Variants in COLGALT2 observed in about 807,000 individuals in gnomAD.
COLGALT2 encodes the protein collagen beta(1-O)galactosyltransferase 2.
COLGALT2 carries 49 observed loss-of-function variants against 73.4 expected under a neutral mutation model. The ratio of observed to expected loss-of-function variants is 0.67; its 90% CI spans 0.53 to 0.85. COLGALT2 has a LOEUF of 0.85. COLGALT2 is among the 40% of genes least tolerant of loss of function. The pLI is 0.00. For missense variants in COLGALT2, 722 were observed against 790.2 expected (o/e 0.91, Z 1.03); for synonymous variants, 295 against 307.6 (o/e 0.96, Z 0.43).
intron 1 of COLGALT2, among the ~76,000 whole-genome samples, chr1:184,005,783 G>A (rs1672057343): frequency 6.6e-6 from 1 of 152,272 alleles, no homozygotes; most frequent in East Asian, 1.9e-4. Flanking sequence ...CCTCCACTGG[G>A]CCTGTCTCAT....
At chr1:184,025,743 C>G (rs1050346568) in intron 1 of COLGALT2, among the ~76,000 whole-genome samples, 2 of 152,186 alleles carry the variant, frequency 1.3e-5, no homozygotes, top group Admixed American at 1.3e-4. Flanking sequence ...AAACACCTTT[C>G]GCACAGTATA....
At position 183,975,098 on chromosome 1, in the gene COLGALT2, A is replaced by G; in HGVS notation, c.491T>C (p.Leu164Pro). 1 of 1,604,872 alleles carries G rather than the reference A, an allele frequency of 6.2e-7. No homozygotes were observed. Among genetic ancestry groups the G allele is most frequent in the Non-Finnish European group, 8.5e-7 (1 of 1,171,672 alleles). ...TAREKWSDYI[L>P]FIDVDNFLTN... Reference sequence around the variant, plus strand: ...AAGAAATCAAACATCTGTTTTTACCAGAATGTAGTCTGACCATTTTTCCCT... The same window carrying G: ...AAGAAATCAAACATCTGTTTTTACCGGAATGTAGTCTGACCATTTTTCCCT... Residue 164 changes from leucine to proline, a missense_variant and splice_region_variant, in exon 3 of 12, where the codon CTG becomes CCG. Coordinates refer to ENST00000361927, the MANE Select transcript of COLGALT2 (RefSeq NM_015101.4).
intron 1 of COLGALT2, among the ~76,000 whole-genome samples, chr1:183,991,751 T>C (rs987703247): frequency 6.6e-6 from 1 of 152,234 alleles, no homozygotes; most frequent in East Asian, 1.9e-4. Flanking sequence ...GTTCATAAAC[T>C]ATACTCACAC....
chr1:183,998,865 CAGTT>C (rs1671841615), intron 1 of COLGALT2, among the ~76,000 whole-genome samples: 1 of 151,888 alleles, frequency 6.6e-6, no homozygotes, highest in African/African-American at 2.4e-5. Flanking sequence ...GTTAGATACT[CAGTT>C]GGTATCTAAC....
Position 183,969,439 on chromosome 1 carries a change from A to C in COLGALT2, c.662T>G (p.Ile221Ser). 6.2e-7 allele frequency: 1 copy of C among 1,613,310 alleles called. No individual in the cohort carries two copies. Among genetic ancestry groups the C allele is most frequent in the Non-Finnish European group, 8.5e-7 (1 of 1,179,598 alleles). ...FYKRTPDYVQIREWKRTGCFP... is the reference protein window; with the variant it reads ...FYKRTPDYVQSREWKRTGCFP... ...GCAGCCTGTCCTCTTCCATTCTCGA[A>C]TCTGAACGTAGTCTGGGGTCCTCTT... Residue 221 changes from isoleucine to serine, a missense_variant, in exon 5 of 12, where the codon ATT becomes AGT. By Grantham distance (142) the Ile-to-Ser change is moderately radical. Coordinates refer to ENST00000361927, the MANE Select transcript of COLGALT2 (RefSeq NM_015101.4).
Position 183,936,985 on chromosome 1 carries a change from T to C in COLGALT2, c.*1776A>G. The C allele has an allele frequency of 8.1e-7, 1 of 1,231,734 alleles. No individual in the cohort carries two copies. Among genetic ancestry groups the C allele is most frequent in the Non-Finnish European group, 1.0e-6 (1 of 987,956 alleles). The allele number at this position is 1,231,734 out of a possible 1,614,324, so 76.3% of individuals were successfully genotyped here. A position where few individuals can be genotyped will look rare whatever the true frequency, so the allele number is the denominator to read the frequency against. ...GCTGCCTTGACTACCTATTTGGTGATGAGACAGCTTGGTGATCACTTTCTC... is the reference window on the plus strand; with the variant it reads ...GCTGCCTTGACTACCTATTTGGTGACGAGACAGCTTGGTGATCACTTTCTC... On this transcript the variant is annotated 3_prime_UTR_variant, in exon 12 of 12. Coordinates refer to ENST00000361927, the MANE Select transcript of COLGALT2 (RefSeq NM_015101.4).
chr1:184,015,015 G>T (rs1309549020), intron 1 of COLGALT2, among the ~76,000 whole-genome samples: 1 of 152,066 alleles, frequency 6.6e-6, no homozygotes, highest in Non-Finnish European at 1.5e-5. Context: ...AATTAACACA[G>T]ACATGGGGCT....
At chr1:183,930,338 A>G in intron 11 of COLGALT2, 1 of 455,036 alleles carries the variant, frequency 2.2e-6, no homozygotes. Context: ...CTGAAAGGAG[A>G]AAATACTAGA....
chr1:183,939,037 T>A lies in COLGALT2; in HGVS notation c.1605A>T (p.Val535=). 1.2e-6 allele frequency: 2 copies of A among 1,606,810 alleles called. No homozygotes were observed. The highest frequency in any genetic ancestry group is 1.7e-6 in the Non-Finnish European group (2 of 1,173,990). The change falls in exon 12 of 12, where the codon GTA becomes GTT. Residue 535 remains valine, a splice_region_variant and synonymous_variant. Coordinates refer to ENST00000361927, the MANE Select transcript of COLGALT2 (RefSeq NM_015101.4). ...ATTCATAATACTCCTTGTACTCGGC[T>A]CTGAAAACAAGAAGGTGGCCGGACA... ...FLPVMYNKHP[V]AEYKEYYESR...
chr1:183,949,375 T>A (rs1401059466), intron 8 of COLGALT2, among the ~76,000 whole-genome samples: 1 of 152,192 alleles, frequency 6.6e-6, no homozygotes, highest in Non-Finnish European at 1.5e-5. Context: ...GGCATAAGGA[T>A]AGACATATAG....
intron 1 of COLGALT2, among the ~76,000 whole-genome samples, chr1:184,029,264 C>T (rs1038715696): frequency 3.3e-5 from 5 of 152,208 alleles, no homozygotes; most frequent in African/African-American, 1.2e-4. Flanking sequence ...TAATGCACAG[C>T]TTTCCTACCA....
chr1:183,990,430 C>G (rs1255845754), intron 1 of COLGALT2, among the ~76,000 whole-genome samples: 4 of 152,220 alleles, frequency 2.6e-5, no homozygotes, highest in Admixed American at 6.5e-5. Flanking sequence ...TGGAAAGCAA[C>G]ACCTTGTCAT....
chr1:184,037,651 G>A lies in COLGALT2; in HGVS notation c.-294C>T. The A allele has an allele frequency of 5.8e-6, 6 of 1,037,756 alleles. No homozygotes were observed. Among genetic ancestry groups the A allele is most frequent in the Non-Finnish European group, 6.9e-6 (6 of 864,614 alleles). The allele number at this position is 1,037,756 out of a possible 1,614,324, so 64.3% of individuals were successfully genotyped here. ...GTGGCCGAGGGGCTGTGTGCCCTGAGTCCTGAGGAAAGTTCCTCTAGTCCA... is the reference window on the plus strand; with the variant it reads ...GTGGCCGAGGGGCTGTGTGCCCTGAATCCTGAGGAAAGTTCCTCTAGTCCA... On this transcript the variant is annotated 5_prime_UTR_variant, in exon 1 of 12. Transcript: ENST00000361927.
In COLGALT2 at chr1:183,956,887, A is replaced by AC. The variant is rs1670568195; in HGVS notation, c.953-2050_953-2049insG. 2.0e-5 allele frequency among the ~76,000 whole-genome samples: 3 copies of AC among 152,316 alleles called. No homozygotes were observed. In the South Asian group the frequency reaches 6.2e-4, roughly 32 times the overall value. On this transcript the variant is annotated intron_variant, in intron 6 of 11. Transcript: ENST00000361927. ...ACAGTGAGTCAGACCTAAGAAACTTAGTCTGTGGGGAGAAGGATGTATCTT... is the reference window on the plus strand; with the variant it reads ...ACAGTGAGTCAGACCTAAGAAACTTACGTCTGTGGGGAGAAGGATGTATCTT...
At chr1:184,026,606 C>T (rs1265335928) in intron 1 of COLGALT2, among the ~76,000 whole-genome samples, 2 of 152,104 alleles carry the variant, frequency 1.3e-5, no homozygotes, top group Non-Finnish European at 1.5e-5. Context: ...GAGTTCATAG[C>T]TAGTGAAGAC....
intron 1 of COLGALT2, among the ~76,000 whole-genome samples, chr1:184,029,766 G>A (rs1649451403): frequency 6.6e-6 from 1 of 152,208 alleles, no homozygotes; most frequent in Non-Finnish European, 1.5e-5. Context: ...GAGCAGGACG[G>A]GTGTTATCAG....
chr1:183,940,673 C>G lies in COLGALT2; in HGVS notation c.1512G>C (p.Leu504=), dbSNP rs146397617. The G allele has an allele frequency of 6.2e-6, 10 of 1,614,220 alleles. No homozygotes were observed. The highest frequency in any genetic ancestry group is 8.5e-6 in the Non-Finnish European group (10 of 1,180,050). ...SYWTLGYVIS[L]EGAQKLVGAN... ...CTCCAACCAGCTTCTGTGCTCCTTCCAGAGAGATGACGTAGCCCAGGGTCC... is the reference window on the plus strand; with the variant it reads ...CTCCAACCAGCTTCTGTGCTCCTTCGAGAGAGATGACGTAGCCCAGGGTCC... Residue 504 remains leucine (L), a synonymous_variant, in exon 11 of 12, where the codon CTG becomes CTC. Transcript: ENST00000361927.
At chr1:183,931,171 G>A (rs1474531088), downstream of COLGALT2, among the ~76,000 whole-genome samples, 2 of 148,742 alleles carry the variant, frequency 1.3e-5, no homozygotes, top group Non-Finnish European at 3.0e-5. Context: ...ACCCCACTCT[G>A]AGCATATCAC....
chr1:183,987,531 G>C (rs192376221), intron 1 of COLGALT2, among the ~76,000 whole-genome samples: 1 of 152,318 alleles, frequency 6.6e-6, no homozygotes, highest in African/African-American at 2.4e-5. Context: ...CACTGTGCTT[G>C]CTCTTGTGTT....
Sources: allele counts gnomAD v4.1 joint callset (sites outside exome capture counted in the v4.1 genomes callset), GRCh38; gene constraint gnomAD v4.1.1; transcripts MANE v1.5; gene names NCBI Gene and HGNC (gene_info 2026-07-23, HGNC 2026-07-21).